GSDME: variants seen among roughly 807,000 people sequenced by gnomAD.
GSDME encodes gasdermin E, also known as gasdermin-E.
GSDME carries 44 observed loss-of-function variants against 47.5 expected under a neutral mutation model. The ratio of observed to expected loss-of-function variants is 0.93; its 90% CI spans 0.73 to 1.19. The LOEUF (loss-of-function observed/expected upper bound fraction) is 1.19, where lower values mean the gene tolerates loss of function less well. Among genes scored for constraint, GSDME ranks in the 50% most tolerant of loss-of-function variants. The pLI is 0.00. For synonymous variants in GSDME, 258 were observed against 252.8 expected, an observed-to-expected ratio of 1.02 and a Z score of -0.20; for missense variants, 663 against 604.2, an observed-to-expected ratio of 1.10 and a Z score of -1.02.
chr7:24,779,770 G>T, the GSDME span, among the ~76,000 whole-genome samples: 25 of 152,106 alleles, frequency 1.6e-4, no homozygotes, highest in African/African-American at 6.0e-4. The surrounding 1 kb of genome is among the most constrained non-coding windows in gnomAD (Gnocchi z 6.0). Flanking sequence ...CCTCAGGCTC[G>T]CCCCTTCTTG....
chr7:24,795,369 A>T, the GSDME span, among the ~76,000 whole-genome samples: 5 of 152,198 alleles, frequency 3.3e-5, no homozygotes, highest in Admixed American at 6.5e-5. Context: ...GACTAGCTGC[A>T]GACAAAACCC....
At chr7:24,793,111 T>C in the GSDME span, among the ~76,000 whole-genome samples, 1 of 152,216 alleles carries the variant, frequency 6.6e-6, no homozygotes, top group Non-Finnish European at 1.5e-5. Flanking sequence ...ATCACTTTTA[T>C]ACCAGATAAG....
intron 6 of GSDME, among the ~76,000 whole-genome samples, chr7:24,709,100 C>G (rs1789243859): frequency 6.6e-6 from 1 of 152,200 alleles, no homozygotes; most frequent in Non-Finnish European, 1.5e-5. Context: ...CACAGAACAT[C>G]AGTAACCAAC....
rs1562713140 is a variant in GSDME at position 24,745,035 on chromosome 7, G to GT, written c.212-282_212-281insA. Among the ~76,000 whole-genome samples, 2 of 138,378 alleles carry GT rather than the reference G, an allele frequency of 1.4e-5. No individual in the cohort carries two copies. The highest frequency in any genetic ancestry group is 2.4e-4 in the South Asian group (1 of 4,216). 90.8% of individuals were successfully genotyped at this position (138,378 alleles called of 152,430 possible). ...TGTGTGTGTGTGTGTGTGTGTGTGTGGACCACGGGCACACAGTGGACCAGT... is the reference window on the plus strand; with the variant it reads ...TGTGTGTGTGTGTGTGTGTGTGTGTGTGACCACGGGCACACAGTGGACCAGT... On this transcript the variant is annotated intron_variant, in intron 2 of 9. Transcript: ENST00000645220. This position sits in a 1 kb window ranked among gnomAD's most constrained non-coding sequence, Gnocchi z 4.4.
rs758882129 is a variant in GSDME at position 24,717,301 on chromosome 7, A to G, written c.650T>C (p.Ile217Thr). Residue 217 changes from isoleucine to threonine, a missense_variant, in exon 5 of 10, where the codon ATT becomes ACT. Ile to Thr is a moderately conservative substitution (Grantham distance 89). Transcript: ENST00000645220. Reference protein sequence around the residue: ...VVLEIPAATTIAYGVIELYVK... With the variant: ...VVLEIPAATTTAYGVIELYVK... ...GTATAACTCAATGACACCGTAGGCA[A>G]TGGTGGTGGCAGCTGGGATCTCCAG... 4.3e-6 allele frequency: 7 copies of G among 1,611,642 alleles called. No homozygotes were observed. Among genetic ancestry groups the G allele is most frequent in the East Asian group, 4.5e-5 (2 of 44,722 alleles).
chr7:24,702,692 G>A lies in GSDME; in HGVS notation c.1257+68C>T, dbSNP rs762529704. On this transcript the variant is annotated intron_variant, in intron 9 of 9. Coordinates refer to ENST00000645220, the MANE Select transcript of GSDME (RefSeq NM_001127453.2). ...TCCTAGAGGTGTTTTACCGGCTGCTGGATGTCTACCCCCTCATCATTTCCC... is the reference window on the plus strand; with the variant it reads ...TCCTAGAGGTGTTTTACCGGCTGCTAGATGTCTACCCCCTCATCATTTCCC... The A allele has an allele frequency of 1.6e-5, 22 of 1,343,952 alleles. No individual in the cohort carries two copies. The African/African-American group carries it at 3.0e-4, about 18-fold the overall frequency. The allele number at this position is 1,343,952 out of a possible 1,614,324, so 83.3% of individuals were successfully genotyped here.
At chr7:24,753,667 C>A (rs1790926789) in intron 1 of GSDME, among the ~76,000 whole-genome samples, 1 of 152,146 alleles carries the variant, frequency 6.6e-6, no homozygotes, top group Non-Finnish European at 1.5e-5. Context: ...TTTTGCAAGT[C>A]TGATAGGTGA....
At chr7:24,771,254 A>C in the GSDME span, among the ~76,000 whole-genome samples, 1 of 152,208 alleles carries the variant, frequency 6.6e-6, no homozygotes, top group African/African-American at 2.4e-5. This position sits in a 1 kb window ranked among gnomAD's most constrained non-coding sequence, Gnocchi z 4.1. Flanking sequence ...TATAGTGGTC[A>C]AGGAAAGCCT....
chr7:24,763,871 C>T, the GSDME span, among the ~76,000 whole-genome samples: 1 of 152,168 alleles, frequency 6.6e-6, no homozygotes, highest in African/African-American at 2.4e-5. This position sits in a 1 kb window ranked among gnomAD's most constrained non-coding sequence, Gnocchi z 4.3. Context: ...GATGGCCAAG[C>T]CCAGAGCTTT....
chr7:24,703,102 A>C, intron 8 of GSDME: 1 of 386,562 alleles, frequency 2.6e-6, no homozygotes, highest in Non-Finnish European at 5.0e-6. Context: ...AGAACTGCCC[A>C]GACTCTGGGG....
chr7:24,759,216 C>T (rs1226383888), upstream of GSDME, among the ~76,000 whole-genome samples: 1 of 152,140 alleles, frequency 6.6e-6, no homozygotes, highest in Non-Finnish European at 1.5e-5. Context: ...TGGCTTGTTG[C>T]CAGAGATTAT....
the GSDME span, among the ~76,000 whole-genome samples, chr7:24,785,872 C>T: frequency 6.6e-6 from 1 of 152,238 alleles, no homozygotes; most frequent in Non-Finnish European, 1.5e-5. Context: ...TGGCTATCTG[C>T]AATCTATTGA....
intron 6 of GSDME, 28 bp downstream of exon 6, chr7:24,710,196 C>T (rs370310019): frequency 6.2e-7 from 1 of 1,612,048 alleles, no homozygotes; most frequent in Non-Finnish European, 8.5e-7. Context: ...CCCTCAACTG[C>T]CCACTACTCC....
intron 3 of GSDME, among the ~76,000 whole-genome samples, chr7:24,738,321 T>A (rs564234965): frequency 9.9e-5 from 15 of 152,238 alleles, no homozygotes; most frequent in Admixed American, 9.8e-4. Context: ...AGCATGTCTA[T>A]AGGGCAACAG....
chr7:24,717,452 G>T (rs555914756), intron 4 of GSDME, 78 bp from the exon 5 acceptor site: 2 of 1,602,340 alleles, frequency 1.2e-6, no homozygotes, highest in African/African-American at 1.3e-5. Context: ...AGCCAGCCTC[G>T]TGCCTTATAC....
chr7:24,766,526 TC>T, the GSDME span, among the ~76,000 whole-genome samples: 2 of 152,130 alleles, frequency 1.3e-5, no homozygotes, highest in African/African-American at 4.8e-5. The surrounding 1 kb of genome is among the most constrained non-coding windows in gnomAD (Gnocchi z 4.2). Context: ...ATTGTTCAAC[TC>T]CCACTTATGA....
intron 5 of GSDME, among the ~76,000 whole-genome samples, chr7:24,715,766 C>T (rs958976539): frequency 5.3e-5 from 8 of 152,184 alleles, no homozygotes; most frequent in African/African-American, 1.9e-4. Flanking sequence ...GAAGCCACAA[C>T]ACCTGGTATT....
intron 5 of GSDME, among the ~76,000 whole-genome samples, chr7:24,715,769 C>G (rs1206542672): frequency 6.6e-6 from 1 of 152,306 alleles, no homozygotes; most frequent in Admixed American, 6.5e-5. Context: ...GCCACAACAC[C>G]TGGTATTCTC....
intron 4 of GSDME, 96 bp from the exon 5 acceptor site, chr7:24,717,470 A>T: frequency 1.3e-6 from 2 of 1,567,414 alleles, no homozygotes; most frequent in Non-Finnish European, 1.7e-6. Flanking sequence ...TACATAAGAG[A>T]TGCTGAGCAA....
Sources: allele counts gnomAD v4.1 joint callset (sites outside exome capture counted in the v4.1 genomes callset), GRCh38; gene constraint gnomAD v4.1.1; non-coding constraint Gnocchi (gnomAD v3.1); transcripts MANE v1.5; gene names NCBI Gene and HGNC (gene_info 2026-07-23, HGNC 2026-07-21).